Variants in LOXL2 observed in about 807,000 individuals in gnomAD.
LOXL2 encodes the protein lysyl oxidase homolog 2.
In LOXL2, 70 loss-of-function variants were observed where a neutral mutation model predicts 93.0. The ratio of observed to expected loss-of-function variants is 0.75; its 90% CI spans 0.62 to 0.92. The LOEUF is 0.92. Among genes scored for constraint, LOXL2 ranks in the 40% least tolerant of loss-of-function variants. The pLI, the probability that LOXL2 is intolerant of heterozygous loss-of-function variation, is 0.00. For synonymous variants in LOXL2, 438 were observed against 413.2 expected (o/e 1.06, Z -0.73); for missense variants, 973 against 1,054.9 (o/e 0.92, Z 1.08).
chr8:23,309,614 C>T (rs1803289633), intron 10 of LOXL2, 54 bp downstream of exon 10: 2 of 1,367,088 alleles, frequency 1.5e-6, no homozygotes, highest in Non-Finnish European at 1.9e-6. Context: ...CCATCTGAGG[C>T]CTGCAGGATG....
intron 3 of LOXL2, among the ~76,000 whole-genome samples, chr8:23,343,180 T>A (rs569992211): frequency 6.6e-6 from 1 of 152,264 alleles, no homozygotes; most frequent in East Asian, 1.9e-4. Context: ...CCCCTCACTG[T>A]CCCCAGCTTC....
intron 3 of LOXL2, among the ~76,000 whole-genome samples, chr8:23,351,094 G>T (rs567676638): frequency 6.6e-6 from 1 of 152,170 alleles, no homozygotes; most frequent in Non-Finnish European, 1.5e-5. Context: ...TGGGCAAGAC[G>T]GTCCGTTCCA....
intron 1 of LOXL2, among the ~76,000 whole-genome samples, chr8:23,387,311 G>T (rs920719432): frequency 3.3e-5 from 5 of 152,296 alleles, no homozygotes; most frequent in Non-Finnish European, 7.4e-5. Flanking sequence ...TCCTCGGGGG[G>T]TATCAGAGAG....
intron 1 of LOXL2, among the ~76,000 whole-genome samples, chr8:23,389,616 A>T (rs1238289052): frequency 6.6e-6 from 1 of 152,206 alleles, no homozygotes; most frequent in Non-Finnish European, 1.5e-5. Context: ...AGTCATGCAC[A>T]GATAAAGGGG....
intron 3 of LOXL2, among the ~76,000 whole-genome samples, chr8:23,346,146 T>TAAAAAAAATAAAA (rs1364307667): frequency 2.6e-5 from 2 of 78,046 alleles, no homozygotes; most frequent in African/African-American, 7.3e-5. Context: ...ATAAAATAAA[T>TAAAAAAAATAAAA]AAAATAAAAT....
rs57679053 is a variant in LOXL2, at chr8:23,316,150, G to A, written c.1636+799C>T. Reference sequence around the variant, plus strand: ...TGTTCAATCCCGCGTTCTCCGTGATGGCAGGATGACAGTGCATCTTTGTTT... The same window carrying A: ...TGTTCAATCCCGCGTTCTCCGTGATAGCAGGATGACAGTGCATCTTTGTTT... On this transcript the variant is annotated intron_variant, in intron 9 of 13. Coordinates refer to ENST00000389131, the MANE Select transcript of LOXL2 (RefSeq NM_002318.3). Among the ~76,000 whole-genome samples the A allele has an allele frequency of 0.013, 1,963 of 152,304 alleles. 87 individuals carry two copies. The East Asian group carries it at 0.16, about 12-fold the overall frequency.
At chr8:23,382,192 C>G (rs1804689669) in intron 1 of LOXL2, among the ~76,000 whole-genome samples, 1 of 152,160 alleles carries the variant, frequency 6.6e-6, no homozygotes, top group Non-Finnish European at 1.5e-5. Context: ...GTTTTTATCT[C>G]TGTGAAGTAG....
intron 10 of LOXL2, among the ~76,000 whole-genome samples, chr8:23,304,498 T>TGGAAAATGAG (rs1160372215): frequency 6.6e-6 from 1 of 152,166 alleles, no homozygotes; most frequent in African/African-American, 2.4e-5. Context: ...CAGGGACATT[T>TGGAAAATGAG]GGAAAATGAG....
In LOXL2 at chr8:23,380,406, A is replaced by AGAAAAAAAG. The variant is rs1554483366; in HGVS notation, c.-83-11973_-83-11972insCTTTTTTTC. ...GACTCCGTCTCAAAAAAAAAAAAAAAAAAAAGACATCTTAATCTGTGGATT... is the reference window on the plus strand; with the variant it reads ...GACTCCGTCTCAAAAAAAAAAAAAAAGAAAAAAAGAAAAAGACATCTTAATCTGTGGATT... On this transcript the variant is annotated intron_variant, in intron 1 of 13. Transcript: ENST00000389131. Among the ~76,000 whole-genome samples the AGAAAAAAAG allele has an allele frequency of 4.4e-4, 56 of 128,490 alleles. 2 individuals carry two copies. Among genetic ancestry groups the AGAAAAAAAG allele is most frequent in the African/African-American group, 1.6e-3 (55 of 33,408 alleles). The allele number at this position is 128,490 out of a possible 152,430, so 84.3% of individuals were successfully genotyped here.
At chr8:23,378,096 T>C (rs1804621389) in intron 1 of LOXL2, among the ~76,000 whole-genome samples, 1 of 152,244 alleles carries the variant, frequency 6.6e-6, no homozygotes, top group African/African-American at 2.4e-5. Context: ...CCTTTCCATG[T>C]TTAGTGCTTC....
intron 3 of LOXL2, 51 bp from the exon 4 acceptor site, chr8:23,341,254 C>T (rs1563195928): frequency 7.0e-7 from 1 of 1,430,562 alleles, no homozygotes; most frequent in South Asian, 1.1e-5. Flanking sequence ...GGCCTGGCTG[C>T]AGAGACACCA....
At chr8:23,329,956 C>A (rs975992279) in intron 5 of LOXL2, among the ~76,000 whole-genome samples, 1 of 152,146 alleles carries the variant, frequency 6.6e-6, no homozygotes, top group Non-Finnish European at 1.5e-5. Flanking sequence ...ACTGCTCTGA[C>A]CCCCGCAGTA....
At chr8:23,373,569 A>T (rs764492432) in intron 1 of LOXL2, among the ~76,000 whole-genome samples, 1 of 152,204 alleles carries the variant, frequency 6.6e-6, no homozygotes, top group Non-Finnish European at 1.5e-5. Flanking sequence ...AAAGCCAATG[A>T]ATTGCCAAAG....
chr8:23,324,307 C>A (rs900914883), intron 6 of LOXL2, among the ~76,000 whole-genome samples: 7 of 152,192 alleles, frequency 4.6e-5, no homozygotes, highest in African/African-American at 1.7e-4. Context: ...GCGTGGCTGT[C>A]TCAGACATCT....
intron 3 of LOXL2, among the ~76,000 whole-genome samples, chr8:23,347,324 T>G (rs1191824386): frequency 6.6e-6 from 1 of 151,408 alleles, no homozygotes; most frequent in Non-Finnish European, 1.5e-5. Flanking sequence ...GCCACTACAC[T>G]CCAGCTGAGG....
At chr8:23,311,642 C>G (rs1803321453) in intron 9 of LOXL2, among the ~76,000 whole-genome samples, 1 of 152,218 alleles carries the variant, frequency 6.6e-6, no homozygotes, top group South Asian at 2.1e-4. Context: ...TTGGCCTCCC[C>G]TGCATCCAGC....
intron 5 of LOXL2, 69 bp from the exon 6 acceptor site, chr8:23,328,634 C>T: frequency 6.7e-7 from 1 of 1,484,626 alleles, no homozygotes; most frequent in South Asian, 1.1e-5. Flanking sequence ...ACTGTCCCCG[C>T]CCCCTCCCTT....
intron 1 of LOXL2, among the ~76,000 whole-genome samples, chr8:23,370,240 C>A (rs1804473816): frequency 6.6e-6 from 1 of 152,176 alleles, no homozygotes; most frequent in African/African-American, 2.4e-5. Flanking sequence ...GAACAACGCG[C>A]CTCCATCCCC....
At chr8:23,340,632 G>T (rs1037524300) in intron 4 of LOXL2, among the ~76,000 whole-genome samples, 2 of 152,206 alleles carry the variant, frequency 1.3e-5, no homozygotes, top group African/African-American at 2.4e-5. Flanking sequence ...GCCTGGCCAG[G>T]GTATTGCCCT....
Sources: gnomAD v4.1 joint callset for allele counts (sites outside exome capture counted in the v4.1 genomes callset) on GRCh38, gnomAD v4.1.1 for gene constraint, MANE v1.5 for transcripts, NCBI Gene and HGNC (gene_info 2026-07-23, HGNC 2026-07-21) for gene names.